Variants in SH2B2 observed in about 807,000 individuals in gnomAD.
The protein encoded by SH2B2 is SH2B adapter protein 2.
Under a neutral mutation model 35.7 loss-of-function variants are expected in SH2B2, and 37 were observed. That is an observed-to-expected ratio of 1.04 (90% CI 0.80 to 1.36). SH2B2 has a LOEUF of 1.36. Ranked by LOEUF, SH2B2 falls within the 40% of genes most tolerant of loss-of-function variation. The probability of loss-of-function intolerance (pLI) is 0.00; values close to 1 mark genes in which losing one functional copy is unlikely to be tolerated. For synonymous variants in SH2B2, 383 were observed against 376.4 expected (o/e 1.02, Z -0.20); for missense variants, 852 against 817.7 (o/e 1.04, Z -0.51).
intron 6 of SH2B2, among the ~76,000 whole-genome samples, chr7:102,315,440 C>T (rs1793786799): frequency 6.6e-6 from 1 of 151,968 alleles, no homozygotes. Flanking sequence ...GCAATTCTCA[C>T]GTCTCAGCCT....
At chr7:102,307,449 G>T (rs1793447981) in intron 3 of SH2B2, among the ~76,000 whole-genome samples, 1 of 152,142 alleles carries the variant, frequency 6.6e-6, no homozygotes, top group African/African-American at 2.4e-5. Flanking sequence ...CACTCATCCT[G>T]CATGAAGCCC....
intron 1 of SH2B2, among the ~76,000 whole-genome samples, chr7:102,287,467 C>G (rs1200963196): frequency 2.0e-5 from 3 of 152,192 alleles, no homozygotes; most frequent in Non-Finnish European, 4.4e-5. Flanking sequence ...GCCCAGGTCT[C>G]TTCCCTACGC....
At chr7:102,292,553 C>G (rs953103991) in intron 1 of SH2B2, among the ~76,000 whole-genome samples, 15 of 151,708 alleles carry the variant, frequency 9.9e-5, no homozygotes, top group African/African-American at 3.6e-4. Context: ...AAAAAATTAC[C>G]TGGCCATGGC....
rs553340752 is a variant in SH2B2, at chr7:102,321,426, C to G, written c.1695C>G (p.Gly565=). 4.0e-4 allele frequency: 526 copies of G among 1,321,052 alleles called. 4 individuals are homozygous for G. In the African/African-American group the frequency reaches 7.3e-3, roughly 18 times the overall value. The allele number at this position is 1,321,052 out of a possible 1,614,324, so 81.8% of individuals were successfully genotyped here. A position where few individuals can be genotyped will look rare whatever the true frequency, so the allele number is the denominator to read the frequency against. Residue 565 remains glycine (G), a synonymous_variant, in exon 9 of 9, where the codon GGC becomes GGG. Transcript: ENST00000444095. ...CPPASPSDAA[G]ASSSSASSSS... ...CTGCCTCGCCCTCCGACGCCGCCGG[C>G]GCCTCCTCGTCTTCCGCCTCGTCGT...
intron 2 of SH2B2, among the ~76,000 whole-genome samples, chr7:102,302,147 C>T (rs1793219145): frequency 6.6e-6 from 1 of 152,244 alleles, no homozygotes; most frequent in Admixed American, 6.5e-5. Context: ...AAGCATGAGC[C>T]ACTGTGCCCA....
intron 2 of SH2B2, among the ~76,000 whole-genome samples, chr7:102,305,427 G>A (rs2974965): frequency 0.6 from 90,674 of 151,704 alleles, 27,185 homozygotes; most frequent in East Asian, 0.68. Context: ...CACCACGCCT[G>A]GCTAATTTTT....
At chr7:102,306,350 A>G (rs1321703270) in intron 2 of SH2B2, among the ~76,000 whole-genome samples, 5 of 152,158 alleles carry the variant, frequency 3.3e-5, no homozygotes, top group Non-Finnish European at 7.3e-5. Context: ...CGGCCTCCCA[A>G]AGTGCTGGGA....
intron 3 of SH2B2, among the ~76,000 whole-genome samples, chr7:102,308,286 G>A (rs1196950137): frequency 6.6e-6 from 1 of 152,238 alleles, no homozygotes; most frequent in African/African-American, 2.4e-5. Flanking sequence ...TGAGCAGAAT[G>A]CAGGGTTATG....
chr7:102,288,619 G>A (rs1554551252), intron 1 of SH2B2, among the ~76,000 whole-genome samples: 1 of 152,128 alleles, frequency 6.6e-6, no homozygotes. Flanking sequence ...ACCCAGGGGT[G>A]GGCTTCCCTT....
intron 7 of SH2B2, among the ~76,000 whole-genome samples, chr7:102,319,576 C>T (rs1554557820): frequency 1.3e-5 from 2 of 152,118 alleles, no homozygotes; most frequent in Admixed American, 6.6e-5. Context: ...CAGACCAGCT[C>T]CCCCTCCTGG....
At position 102,301,168 on chromosome 7, in the gene SH2B2, C is replaced by A; in HGVS notation, c.618C>A (p.Asp206Glu). ...GGGCGCTGCGCTTCATGGTGGCCGA[C>A]GACGCGGCCGCGGGCTCCGGGGGCT... Reference protein sequence around the residue: ...REGALRFMVADDAAAGSGGSA... With the variant: ...REGALRFMVAEDAAAGSGGSA... Residue 206 changes from aspartate to glutamate, a missense_variant, in exon 2 of 9, where the codon GAC becomes GAA. Asp to Glu is a conservative substitution (Grantham distance 45). This residue lies in a region of SH2B2 where 556 missense variants were observed against 514.5 expected (regional missense o/e 1.08). Transcript: ENST00000444095. The A allele has an allele frequency of 6.4e-7, 1 of 1,569,902 alleles. No individual in the cohort carries two copies. The highest frequency in any genetic ancestry group is 8.6e-7 in the Non-Finnish European group (1 of 1,161,220).
At position 102,320,398 on chromosome 7, in the gene SH2B2, T is replaced by G. The variant is rs1352931832; in HGVS notation, c.1463T>G (p.Leu488Arg). ...CAGCATCTGTGGTTCCAGTCTGTGC[T>G]TGACATGCTCCGCCACTTCCACACA... Reference protein sequence around the residue: ...HVQHLWFQSVLDMLRHFHTHP... With the variant: ...HVQHLWFQSVRDMLRHFHTHP... The change falls in exon 8 of 9, where the codon CTT becomes CGT. Residue 488 changes from leucine (L) to arginine (R), a missense_variant. Transcript: ENST00000444095. 6.2e-7 allele frequency: 1 copy of G among 1,613,510 alleles called. No individual in the cohort carries two copies. Among genetic ancestry groups the G allele is most frequent in the Non-Finnish European group, 8.5e-7 (1 of 1,179,890 alleles).
rs1289092728 is a variant in SH2B2 at position 102,320,467 on chromosome 7, T to C, written c.1532T>C (p.Leu511Pro). Residue 511 changes from leucine (L) to proline (P), a missense_variant, in exon 8 of 9, where the codon CTT (leucine) becomes CCT (proline). By Grantham distance (98) the Leu-to-Pro change is moderately conservative (BLOSUM62 -3). This residue lies in a region of SH2B2 where 556 missense variants were observed against 514.5 expected (regional missense o/e 1.08). Coordinates refer to ENST00000444095, the MANE Select transcript of SH2B2 (RefSeq NM_001359228.2). ...TCAGGGGGCTCGGCCGACATCACCC[T>C]TCGCAGCTATGTGCGGGCCCAGGAC... ...LESGGSADITLRSYVRAQDPP... is the reference protein window; with the variant it reads ...LESGGSADITPRSYVRAQDPP... 6.2e-7 allele frequency: 1 copy of C among 1,613,556 alleles called. No homozygotes were observed. Among genetic ancestry groups the C allele is most frequent in the Non-Finnish European group, 8.5e-7 (1 of 1,179,840 alleles).
At chr7:102,306,104 G>A (rs1332063242) in intron 2 of SH2B2, among the ~76,000 whole-genome samples, 1 of 150,834 alleles carries the variant, frequency 6.6e-6, no homozygotes, top group Non-Finnish European at 1.5e-5. Flanking sequence ...TTTTTTCTGT[G>A]AAACGGAGTT....
chr7:102,315,509 G>A (rs2960260), intron 6 of SH2B2, among the ~76,000 whole-genome samples: 128,599 of 151,648 alleles, frequency 0.85, 54,678 homozygotes, highest in Middle Eastern at 0.89. Flanking sequence ...TTGTATTTTT[G>A]GTAGAGATGG....
chr7:102,318,229 C>T (rs1219741105), intron 7 of SH2B2, among the ~76,000 whole-genome samples: 2 of 152,168 alleles, frequency 1.3e-5, no homozygotes, highest in Non-Finnish European at 2.9e-5. Context: ...ACCTCCGCCT[C>T]CCGGGTTCAA....
At chr7:102,317,122 CATTT>C (rs782241093) in intron 6 of SH2B2, 61 bp from the exon 7 acceptor site, 38 of 1,315,826 alleles carry the variant, frequency 2.9e-5, no homozygotes, top group Non-Finnish European at 3.9e-5. Flanking sequence ...TCTCTTCTCA[CATTT>C]ATTTATTTGT....
intron 2 of SH2B2, among the ~76,000 whole-genome samples, chr7:102,303,479 C>T (rs1484569830): frequency 6.6e-6 from 1 of 152,168 alleles, no homozygotes; most frequent in African/African-American, 2.4e-5. Flanking sequence ...TGCTGGGGTG[C>T]AGGGGTGTGG....
chr7:102,290,254 A>AT (rs1792624743), intron 1 of SH2B2, among the ~76,000 whole-genome samples: 3 of 121,216 alleles, frequency 2.5e-5, no homozygotes, highest in African/African-American at 6.1e-5. Flanking sequence ...TTTTTTTTTT[A>AT]TTTTTTTGAG....
Sources: gnomAD v4.1 joint callset for allele counts (sites outside exome capture counted in the v4.1 genomes callset) on GRCh38, gnomAD v4.1.1 for gene constraint, gnomAD v4.1.1 regional missense constraint, MANE v1.5 for transcripts, NCBI Gene and HGNC (gene_info 2026-07-23, HGNC 2026-07-21) for gene names.